VPS13A: variants seen among roughly 807,000 people sequenced by gnomAD.
The protein encoded by VPS13A is vacuolar protein sorting 13 homolog A, also known as intermembrane lipid transfer protein VPS13A.
A neutral mutation model predicts 390.9 loss-of-function variants in VPS13A; 264 were observed. That is an observed-to-expected ratio of 0.68 (90% CI 0.61 to 0.75). VPS13A has a LOEUF of 0.75. VPS13A is among the 30% of genes least tolerant of loss of function. VPS13A has a pLI of 0.00. For missense variants in VPS13A, 3,409 were observed against 3,733.9 expected, an observed-to-expected ratio of 0.91 and a Z score of 2.27; for synonymous variants, 1,231 against 1,227.1, an observed-to-expected ratio of 1.00 and a Z score of -0.07.
intron 2 of VPS13A, 31 bp from the exon 3 acceptor site, chr9:77,201,334 T>A: frequency 6.8e-7 from 1 of 1,461,020 alleles, no homozygotes; most frequent in Non-Finnish European, 9.6e-7. Flanking sequence ...TATCTACTAA[T>A]GTTTTGTGTA....
intron 23 of VPS13A, among the ~76,000 whole-genome samples, chr9:77,260,538 G>A (rs936148390): frequency 6.6e-6 from 1 of 151,246 alleles, no homozygotes. Flanking sequence ...TGTATTTTTA[G>A]CAGAGACGGG....
rs1829252726 is a variant in VPS13A, at chr9:77,314,256, T to A, written c.4242+137T>A. The stretch of plus-strand genomic sequence containing the variant: ...TCTGAGAAAAATGATCTTTTTACTT[T>A]AATAATAATTATAACTATTTCCCTT... On this transcript the variant is annotated intron_variant, in intron 36 of 71. Coordinates refer to ENST00000360280, the MANE Select transcript of VPS13A (RefSeq NM_033305.3). 4.1e-6 allele frequency: 4 copies of A among 982,710 alleles called. No individual in the cohort carries two copies. The South Asian group carries it at 5.1e-5, about 13-fold the overall frequency. The allele number at this position is 982,710 out of a possible 1,614,324, so 60.9% of individuals were successfully genotyped here. A position where few individuals can be genotyped will look rare whatever the true frequency, so the allele number is the denominator to read the frequency against.
At position 77,250,149 on chromosome 9, in the gene VPS13A, A is replaced by G. The variant is rs141249210; in HGVS notation, c.2090A>G (p.Asn697Ser). 6.6e-5 allele frequency: 106 copies of G among 1,613,974 alleles called. No homozygotes were observed. The South Asian group carries it at 6.9e-4, about 11-fold the overall frequency. Residue 697 changes from asparagine to serine, a missense_variant, in exon 21 of 72, where the codon AAT becomes AGT. Physicochemically the swap from Asn to Ser is conservative, Grantham distance 46. Around this residue, in one of 5 missense-constraint regions of VPS13A, gnomAD observed 2,717 missense variants for 2,917.4 expected, o/e 0.93. Transcript: ENST00000360280. ...ELPDVKQGEANLKEIMDRAYD... is the reference protein window; with the variant it reads ...ELPDVKQGEASLKEIMDRAYD... ...CCAGATGTGAAACAAGGTGAGGCCA[A>G]TCTTAAAGAGATAATGGATAGAGCT...
rs955306 is a variant in VPS13A at position 77,282,456 on chromosome 9, C to T, written c.3118+182C>T. 0.21 allele frequency among the ~76,000 whole-genome samples: 31,475 copies of T among 151,664 alleles called. 3,507 individuals carry two copies. Among genetic ancestry groups the T allele is most frequent in the Middle Eastern group, 0.26 (77 of 294 alleles). ...TTTAGAAAATAAAGGAAACTACTGG[C>T]GAAGAAAATGTTGCTTTTGTTTATC... On this transcript the variant is annotated intron_variant, in intron 29 of 71. Transcript: ENST00000360280.
At position 77,177,601 on chromosome 9, in the gene VPS13A, G is replaced by A. The variant is rs1485995713; in HGVS notation, c.-104G>A. 2 of 1,092,978 alleles carry A rather than the reference G, an allele frequency of 1.8e-6. No individual in the cohort carries two copies. Among genetic ancestry groups the A allele is most frequent in the Admixed American group, 1.9e-5 (1 of 51,712 alleles). 67.7% of individuals were successfully genotyped at this position (1,092,978 alleles called of 1,614,324 possible). A position where few individuals can be genotyped will look rare whatever the true frequency, so the allele number is the denominator to read the frequency against. ...CAGCGGGGGCGCCGCAGCTGAAGCCGCCCCGGAGCCGGTGAACCGAATTAC... is the reference window on the plus strand; with the variant it reads ...CAGCGGGGGCGCCGCAGCTGAAGCCACCCCGGAGCCGGTGAACCGAATTAC... On this transcript the variant is annotated 5_prime_UTR_variant, in exon 1 of 72. Coordinates refer to ENST00000360280, the MANE Select transcript of VPS13A (RefSeq NM_033305.3).
intron 35 of VPS13A, among the ~76,000 whole-genome samples, chr9:77,312,008 CAGT>C (rs1399555002): frequency 6.6e-6 from 1 of 152,010 alleles, no homozygotes; most frequent in Admixed American, 6.5e-5. Context: ...GCAACTAAAA[CAGT>C]GGTGAAAGAA....
intron 35 of VPS13A, among the ~76,000 whole-genome samples, chr9:77,310,170 A>G (rs1828986027): frequency 6.6e-6 from 1 of 152,178 alleles, no homozygotes; most frequent in African/African-American, 2.4e-5. Context: ...TTGAAAGTGT[A>G]TTTCAGAAAG....
intron 71 of VPS13A, among the ~76,000 whole-genome samples, chr9:77,415,307 C>T (rs73451888): frequency 0.012 from 1,849 of 152,264 alleles, 38 homozygotes; most frequent in African/African-American, 0.042. Context: ...ATTCAGTTAT[C>T]TTTGTCTCCC....
chr9:77,355,267 C>CATT (rs1176033464), intron 54 of VPS13A, among the ~76,000 whole-genome samples: 2 of 152,196 alleles, frequency 1.3e-5, no homozygotes, highest in African/African-American at 4.8e-5. Context: ...CAGTGACCTC[C>CATT]ATAATGCCAT....
At chr9:77,411,356 C>T (rs1233742580) in intron 71 of VPS13A, among the ~76,000 whole-genome samples, 5 of 152,032 alleles carry the variant, frequency 3.3e-5, no homozygotes, top group Non-Finnish European at 7.4e-5. Context: ...AAAATTGACA[C>T]CCTAACATCA....
At chr9:77,405,521 A>G (rs1834562347) in intron 69 of VPS13A, among the ~76,000 whole-genome samples, 1 of 152,188 alleles carries the variant, frequency 6.6e-6, no homozygotes, top group Non-Finnish European at 1.5e-5. Context: ...GCATTATGTT[A>G]GCTGCATCCC....
intron 59 of VPS13A, among the ~76,000 whole-genome samples, chr9:77,361,804 A>G (rs969233603): frequency 2.0e-5 from 3 of 151,902 alleles, no homozygotes; most frequent in Non-Finnish European, 2.9e-5. Context: ...ATTATCCCCA[A>G]CACTTGTTAC....
chr9:77,378,872 T>C (rs1224580256), intron 67 of VPS13A, among the ~76,000 whole-genome samples: 1 of 152,046 alleles, frequency 6.6e-6, no homozygotes, highest in Non-Finnish European at 1.5e-5. Flanking sequence ...TTATAAGTTT[T>C]GGTGTGTTGT....
At chr9:77,357,887 A>G (rs756452496) in intron 56 of VPS13A, 49 bp downstream of exon 56, 13 of 1,553,684 alleles carry the variant, frequency 8.4e-6, no homozygotes, top group African/African-American at 4.1e-5. Context: ...AAGGAATGCA[A>G]TAAGAAACCA....
In VPS13A at chr9:77,206,329, T is replaced by TATA. The variant is rs776724808; in HGVS notation, c.385+250_385+251insATA. ...TATTATTATTAGGTTTACATATTTT[T>TATA]TATATATATATATATACACACACAC... On this transcript the variant is annotated intron_variant, in intron 5 of 71. Transcript: ENST00000360280. Among the ~76,000 whole-genome samples, 9,995 of 146,464 alleles carry TATA rather than the reference T, an allele frequency of 0.068. 763 individuals carry two copies. The highest frequency in any genetic ancestry group is 0.19 in the African/African-American group (7,533 of 40,130).
chr9:77,341,257 A>G (rs185132046), intron 50 of VPS13A, among the ~76,000 whole-genome samples: 1 of 152,162 alleles, frequency 6.6e-6, no homozygotes, highest in East Asian at 1.9e-4. Context: ...CAGGCGTTCC[A>G]GGGGGCAACG....
intron 1 of VPS13A, among the ~76,000 whole-genome samples, chr9:77,185,194 T>C (rs1279598949): frequency 2.6e-5 from 4 of 151,452 alleles, no homozygotes; most frequent in Non-Finnish European, 5.9e-5. Flanking sequence ...CAGGCTGGAG[T>C]GCGGTGGCGC....
intron 35 of VPS13A, among the ~76,000 whole-genome samples, chr9:77,312,336 A>G (rs572778639): frequency 6.6e-6 from 1 of 152,320 alleles, no homozygotes; most frequent in African/African-American, 2.4e-5. Context: ...CAACTTTTTA[A>G]AAGCAAAATA....
At chr9:77,319,518 A>G (rs1361164032) in intron 41 of VPS13A, 54 bp from the exon 42 acceptor site, 4 of 1,229,788 alleles carry the variant, frequency 3.3e-6, no homozygotes, top group East Asian at 4.7e-5. Context: ...GCTAAAAAAC[A>G]TGGTGGGAAA....
Sources: allele counts gnomAD v4.1 joint callset (sites outside exome capture counted in the v4.1 genomes callset), GRCh38; gene constraint gnomAD v4.1.1; regional missense constraint gnomAD v4.1.1; transcripts MANE v1.5; gene names NCBI Gene and HGNC (gene_info 2026-07-23, HGNC 2026-07-21).